The following DNAH11 variants were observed in gnomAD, a reference collection of about 807,000 sequenced individuals.
The protein encoded by DNAH11 is axonemal beta dynein heavy chain 11.
DNAH11 carries 442 observed loss-of-function variants against 526.0 expected under a neutral mutation model. That is an observed-to-expected ratio of 0.84 (90% CI 0.78 to 0.91). The LOEUF (loss-of-function observed/expected upper bound fraction) is 0.91. DNAH11 is among the 40% of genes least tolerant of loss of function. DNAH11 has a pLI of 0.00. For synonymous variants in DNAH11, 2,461 were observed against 1,935.9 expected (o/e 1.27, Z -7.12); for missense variants, 6,989 against 5,448.7 (o/e 1.28, Z -8.90).
At chr7:21,652,843 G>A (rs1288290496) in intron 28 of DNAH11, among the ~76,000 whole-genome samples, 2 of 151,878 alleles carry the variant, frequency 1.3e-5, no homozygotes, top group East Asian at 3.9e-4. Context: ...CAAAAGAGGG[G>A]CCTACGAAGT....
rs571728711 is a variant in DNAH11 at position 21,718,213 on chromosome 7, G to T, written c.7134+288G>T. Among the ~76,000 whole-genome samples the T allele has an allele frequency of 3.3e-5, 5 of 151,916 alleles. No individual in the cohort carries two copies. The South Asian group carries it at 1.0e-3, about 32-fold the overall frequency. ...GATTTTTTTTTAGTATCCCCAGATA[G>T]CTCTTAGCACATAGTAGGTGCCAGA... On this transcript the variant is annotated intron_variant, in intron 43 of 81. Transcript: ENST00000409508.
Position 21,659,866 on chromosome 7 carries a change from A to C in DNAH11, c.5328+835A>C, listed in dbSNP as rs557806801. Among the ~76,000 whole-genome samples, 7 of 152,266 alleles carry C rather than the reference A, an allele frequency of 4.6e-5. No homozygotes were observed. The East Asian group carries it at 1.3e-3, about 29-fold the overall frequency. Reference sequence around the variant, plus strand: ...AGTGAGTGATCCTTGTATTGTTAACACATTTGAAGATTCAAGTGTGGATTA... The same window carrying C: ...AGTGAGTGATCCTTGTATTGTTAACCCATTTGAAGATTCAAGTGTGGATTA... On this transcript the variant is annotated intron_variant, in intron 30 of 81. Transcript: ENST00000409508.
intron 40 of DNAH11, among the ~76,000 whole-genome samples, chr7:21,708,736 C>T (rs1011480911): frequency 1.3e-5 from 2 of 152,192 alleles, no homozygotes; most frequent in Non-Finnish European, 2.9e-5. Flanking sequence ...CACGGGGCCT[C>T]AGCACCTCAT....
Position 21,600,069 on chromosome 7 carries a change from T to C in DNAH11, c.2950T>C (p.Ser984Pro). 6.3e-7 allele frequency: 1 copy of C among 1,596,512 alleles called. No homozygotes were observed. ...AATGTTATGCAATAGTTTTAGAATG[T>C]CTGCCCAGATGAACCGAATAGCAAC... ...EEMLCNSFRMSAQMNRIATHL... is the reference protein window; with the variant it reads ...EEMLCNSFRMPAQMNRIATHL... Residue 984 changes from serine to proline, a missense_variant, in exon 15 of 82, where the codon TCT becomes CCT. Ser to Pro is a moderately conservative substitution (Grantham distance 74). Coordinates refer to ENST00000409508, the MANE Select transcript of DNAH11 (RefSeq NM_001277115.2).
At chr7:21,790,248 C>T (rs1788419977) in intron 61 of DNAH11, among the ~76,000 whole-genome samples, 1 of 151,952 alleles carries the variant, frequency 6.6e-6, no homozygotes, top group Non-Finnish European at 1.5e-5. Context: ...AGATCGAGAC[C>T]ATCCTGGCTA....
In DNAH11 at chr7:21,784,502, C is replaced by CTGGT. The variant is rs747442861; in HGVS notation, c.9560_9563dup (p.Ala3189GlyfsTer17). 9.9e-6 allele frequency: 16 copies of CTGGT among 1,613,086 alleles called. No individual in the cohort carries two copies. The African/African-American group carries it at 2.0e-4, about 20-fold the overall frequency. On this transcript the variant is annotated frameshift_variant, in exon 58 of 82. Coordinates refer to ENST00000409508, the MANE Select transcript of DNAH11 (RefSeq NM_001277115.2). LOFTEE classifies it high-confidence loss of function. The stretch of plus-strand genomic sequence containing the variant: ...TGACTTACTCAAGGCTGAGCCTGCA[C>CTGGT]TGGTGGCTGCTACAGCTGCACTCAA...
intron 2 of DNAH11, among the ~76,000 whole-genome samples, chr7:21,551,078 G>A (rs1583473787): frequency 2.0e-5 from 3 of 152,070 alleles, no homozygotes; most frequent in South Asian, 2.1e-4. Context: ...TGGGGTCCCC[G>A]AAGACTCCCT....
intron 46 of DNAH11, among the ~76,000 whole-genome samples, chr7:21,736,954 G>C (rs17354438): frequency 0.15 from 22,860 of 152,200 alleles, 2,022 homozygotes; most frequent in East Asian, 0.19. Context: ...TTTATAAATG[G>C]AAGATTAAGC....
chr7:21,552,076 C>G (rs1025961877), intron 2 of DNAH11, among the ~76,000 whole-genome samples: 1 of 152,160 alleles, frequency 6.6e-6, no homozygotes. Context: ...AATCAAGAAG[C>G]TTGGAGGCAA....
Position 21,901,334 on chromosome 7 carries a change from A to ATTATTCTAACTTTT in DNAH11, c.*82_*95dup, listed in dbSNP as rs1243626253. 7 of 1,414,400 alleles carry ATTATTCTAACTTTT rather than the reference A, an allele frequency of 4.9e-6. No homozygotes were observed. Among genetic ancestry groups the ATTATTCTAACTTTT allele is most frequent in the Non-Finnish European group, 6.5e-6 (7 of 1,073,800 alleles). The allele number at this position is 1,414,400 out of a possible 1,614,324, so 87.6% of individuals were successfully genotyped here. A position where few individuals can be genotyped will look rare whatever the true frequency, so the allele number is the denominator to read the frequency against. On this transcript the variant is annotated 3_prime_UTR_variant, in exon 82 of 82. Transcript: ENST00000409508. ...ATGTTGCTGCACTGTTCCCATGCACATTATTCTAACTTTTTAGTAACTCAC... is the reference window on the plus strand; with the variant it reads ...ATGTTGCTGCACTGTTCCCATGCACATTATTCTAACTTTTTTATTCTAACTTTTTAGTAACTCAC...
chr7:21,573,822 G>A (rs1262721734), intron 8 of DNAH11, among the ~76,000 whole-genome samples: 2 of 152,302 alleles, frequency 1.3e-5, no homozygotes, highest in Admixed American at 1.3e-4. Flanking sequence ...TAACAGGGAA[G>A]TGTGTCAGGG....
At position 21,901,176 on chromosome 7, in the gene DNAH11, CT is replaced by C; in HGVS notation, c.13474del (p.Trp4492GlyfsTer5). 6.2e-7 allele frequency: 1 copy of C among 1,613,946 alleles called. No individual in the cohort carries two copies. Among genetic ancestry groups the C allele is most frequent in the African/African-American group, 1.3e-5 (1 of 75,048 alleles). Reference sequence around the variant, plus strand: ...CCAAACTGAGAGGCCCCAGCTACATCTGGACCTTCAGGCTGAAGAGCGAAGA... The same window carrying C: ...CCAAACTGAGAGGCCCCAGCTACATCGGACCTTCAGGCTGAAGAGCGAAGA... ...RTKLRGPSYIWTFRLKSEEKT... is the reference protein window; with the variant it reads ...RTKLRGPSYIXTFRLKSEEKT... On this transcript the variant is annotated frameshift_variant, in exon 82 of 82. Coordinates refer to ENST00000409508, the MANE Select transcript of DNAH11 (RefSeq NM_001277115.2). LOFTEE classifies it high-confidence loss of function.
chr7:21,679,427 G>C (rs1190359802), intron 30 of DNAH11, among the ~76,000 whole-genome samples: 1 of 152,148 alleles, frequency 6.6e-6, no homozygotes, highest in Non-Finnish European at 1.5e-5. Context: ...GGATATGTCA[G>C]TTAGCTTGGT....
chr7:21,784,592 T>A, intron 58 of DNAH11, 52 bp downstream of exon 58: 1 of 1,334,424 alleles, frequency 7.5e-7, no homozygotes, highest in Non-Finnish European at 1.0e-6. Flanking sequence ...ATTTAAAGGT[T>A]ATTAGAGTTT....
chr7:21,636,348 T>C (rs1786863897), intron 26 of DNAH11, among the ~76,000 whole-genome samples: 1 of 152,188 alleles, frequency 6.6e-6, no homozygotes, highest in East Asian at 1.9e-4. Flanking sequence ...TATGGTTATA[T>C]GCCAATAAAG....
At chr7:21,749,891 T>TC in intron 53 of DNAH11, 90 bp downstream of exon 53, 1 of 1,570,036 alleles carries the variant, frequency 6.4e-7, no homozygotes, top group East Asian at 2.2e-5. Flanking sequence ...GAATTCGTCT[T>TC]TGAGATGTTT....
rs754541827 is a variant in DNAH11, at chr7:21,779,020, T to C, written c.9399T>C (p.Asp3133=). 24 of 1,613,364 alleles carry C rather than the reference T, an allele frequency of 1.5e-5. No homozygotes were observed. In the South Asian group the frequency reaches 2.2e-4, roughly 15 times the overall value. ...CCGAGCTGCAACTGAGAAATCATGA[T>C]GCCGAAGCTCTGATCACAAAGATCG... is the stretch of plus-strand genomic sequence containing the variant. ...QEAELQLRNH[D]AEALITKIGL... is the part of the protein sequence containing the mutation. Residue 3133 remains aspartate (D), a synonymous_variant, in exon 57 of 82, where the codon GAT becomes GAC. Coordinates refer to ENST00000409508, the MANE Select transcript of DNAH11 (RefSeq NM_001277115.2).
intron 65 of DNAH11, among the ~76,000 whole-genome samples, chr7:21,834,630 T>G (rs751158247): frequency 2.0e-5 from 3 of 152,090 alleles, no homozygotes; most frequent in Non-Finnish European, 2.9e-5. Flanking sequence ...GACAGGAGTT[T>G]GAGATCAACC....
At chr7:21,746,881 G>A (rs1247090266) in intron 51 of DNAH11, among the ~76,000 whole-genome samples, 1 of 152,132 alleles carries the variant, frequency 6.6e-6, no homozygotes, top group Non-Finnish European at 1.5e-5. Flanking sequence ...TTAATATACA[G>A]TCATTGTGTA....
Sources: gnomAD v4.1 joint callset for allele counts (sites outside exome capture counted in the v4.1 genomes callset) on GRCh38, gnomAD v4.1.1 for gene constraint, MANE v1.5 for transcripts, NCBI Gene and HGNC (gene_info 2026-07-23, HGNC 2026-07-21) for gene names.